The following KCNH5 variants were observed in gnomAD, a reference collection of about 807,000 sequenced individuals.
The protein encoded by KCNH5 is potassium voltage-gated channel subfamily H member 5, also known as voltage-gated delayed rectifier potassium channel KCNH5.
KCNH5 carries 46 observed loss-of-function variants against 96.1 expected under a neutral mutation model. The observed-to-expected ratio is 0.48, with a 90% CI of 0.38 to 0.61. KCNH5 has a LOEUF of 0.61. KCNH5 is among the 20% of genes least tolerant of loss of function. KCNH5 has a pLI of 0.00. For synonymous variants in KCNH5, 439 were observed against 449.8 expected (o/e 0.98, Z 0.30); for missense variants, 907 against 1,225.8 (o/e 0.74, Z 3.88).
chr14:62,868,778 C>T (rs1888190157), intron 7 of KCNH5, among the ~76,000 whole-genome samples: 1 of 152,146 alleles, frequency 6.6e-6, no homozygotes, highest in Non-Finnish European at 1.5e-5. Flanking sequence ...AGAGCGAGAA[C>T]ATGCAGTGTT....
intron 7 of KCNH5, among the ~76,000 whole-genome samples, chr14:62,860,426 C>A (rs950851523): frequency 1.3e-5 from 2 of 152,194 alleles, no homozygotes; most frequent in Non-Finnish European, 2.9e-5. Flanking sequence ...CTTGCTTACA[C>A]AGCTACAGAT....
At chr14:63,032,359 G>A (rs1891645248) in intron 1 of KCNH5, among the ~76,000 whole-genome samples, 1 of 152,082 alleles carries the variant, frequency 6.6e-6, no homozygotes, top group Non-Finnish European at 1.5e-5. Context: ...CAGATCACTG[G>A]GGCTTCAGTG....
At chr14:63,003,714 G>A (rs1311832813) in intron 3 of KCNH5, among the ~76,000 whole-genome samples, 41 of 146,734 alleles carry the variant, frequency 2.8e-4, no homozygotes, top group African/African-American at 1.0e-3. Flanking sequence ...CCACCTCCTG[G>A]GTTCATGCCA....
chr14:62,985,714 T>G (rs867173045), intron 5 of KCNH5, among the ~76,000 whole-genome samples: 1 of 152,156 alleles, frequency 6.6e-6, no homozygotes, highest in Non-Finnish European at 1.5e-5. Flanking sequence ...TCTAGTCACA[T>G]GACTTGAACA....
chr14:62,938,775 A>G (rs1335976367), intron 7 of KCNH5, among the ~76,000 whole-genome samples: 1 of 152,222 alleles, frequency 6.6e-6, no homozygotes, highest in Non-Finnish European at 1.5e-5. Context: ...AAAGTCACCA[A>G]ATAAGTAAAT....
chr14:62,785,985 G>GT (rs1180258058), intron 9 of KCNH5, among the ~76,000 whole-genome samples: 6 of 152,184 alleles, frequency 3.9e-5, no homozygotes, highest in Non-Finnish European at 7.3e-5. Flanking sequence ...AAGGTCAGGA[G>GT]TTTGAGACCA....
intron 10 of KCNH5, among the ~76,000 whole-genome samples, chr14:62,724,018 T>C (rs2139916709): frequency 6.6e-6 from 1 of 152,332 alleles, no homozygotes; most frequent in South Asian, 2.1e-4. Context: ...ATTTGGATCA[T>C]TTCCACCCCA....
intron 7 of KCNH5, among the ~76,000 whole-genome samples, chr14:62,912,878 G>C (rs1889198076): frequency 6.6e-6 from 1 of 152,198 alleles, no homozygotes; most frequent in Non-Finnish European, 1.5e-5. Context: ...GTAAGGTATA[G>C]TCCCTTCTAG....
chr14:62,708,788 G>C (rs1288495963), intron 10 of KCNH5, among the ~76,000 whole-genome samples: 1 of 151,788 alleles, frequency 6.6e-6, no homozygotes, highest in Non-Finnish European at 1.5e-5. Flanking sequence ...GCCGTTAGTA[G>C]GAAATACACA....
At chr14:63,009,317 G>A (rs1891183780) in intron 2 of KCNH5, among the ~76,000 whole-genome samples, 1 of 152,070 alleles carries the variant, frequency 6.6e-6, no homozygotes, top group African/African-American at 2.4e-5. Context: ...AACTTCTGAA[G>A]AGAAGATAAA....
chr14:62,946,082 G>A (rs1370498261), intron 7 of KCNH5, among the ~76,000 whole-genome samples: 1 of 152,002 alleles, frequency 6.6e-6, no homozygotes, highest in Admixed American at 6.6e-5. Context: ...GGAAGATATA[G>A]GAGGTTACTT....
intron 9 of KCNH5, among the ~76,000 whole-genome samples, chr14:62,791,576 T>C (rs1197145088): frequency 6.6e-6 from 1 of 151,682 alleles, no homozygotes; most frequent in Admixed American, 6.6e-5. Context: ...AGTTAAAGAA[T>C]GGAAGATATT....
intron 6 of KCNH5, among the ~76,000 whole-genome samples, chr14:62,976,056 A>G (rs1890492518): frequency 6.6e-6 from 1 of 151,888 alleles, no homozygotes; most frequent in South Asian, 2.1e-4. Context: ...AATCTCCCAG[A>G]AAGTGTAGCA....
intron 7 of KCNH5, among the ~76,000 whole-genome samples, chr14:62,867,653 G>A (rs1228961431): frequency 6.6e-6 from 1 of 152,114 alleles, no homozygotes; most frequent in Non-Finnish European, 1.5e-5. Flanking sequence ...TCACTGACCT[G>A]CTGAAAAGTT....
At chr14:62,798,161 C>G (rs535112219) in intron 9 of KCNH5, among the ~76,000 whole-genome samples, 1 of 152,262 alleles carries the variant, frequency 6.6e-6, no homozygotes, top group Non-Finnish European at 1.5e-5. Flanking sequence ...ATTTTCAACC[C>G]CTCCATCCAA....
chr14:62,876,041 C>T (rs945159566), intron 7 of KCNH5, among the ~76,000 whole-genome samples: 1 of 152,140 alleles, frequency 6.6e-6, no homozygotes, highest in Non-Finnish European at 1.5e-5. Context: ...GTGGCATGTG[C>T]CTGTAATCCC....
chr14:62,970,976 C>T (rs1260380234), intron 6 of KCNH5, among the ~76,000 whole-genome samples: 1 of 152,016 alleles, frequency 6.6e-6, no homozygotes, highest in South Asian at 2.1e-4. Flanking sequence ...TCCCTCTCAT[C>T]ACTTCTTTTC....
At chr14:62,896,313 C>G (rs556738585) in intron 7 of KCNH5, among the ~76,000 whole-genome samples, 9 of 152,324 alleles carry the variant, frequency 5.9e-5, no homozygotes, top group African/African-American at 2.2e-4. Context: ...CACAGTGAAA[C>G]AGTTCAATTC....
At chr14:62,834,344 C>T (rs774867917) in intron 8 of KCNH5, among the ~76,000 whole-genome samples, 8 of 151,902 alleles carry the variant, frequency 5.3e-5, no homozygotes, top group Non-Finnish European at 8.8e-5. Context: ...ATTACATTCA[C>T]GGATATAATA....
Sources: allele counts gnomAD v4.1 joint callset (sites outside exome capture counted in the v4.1 genomes callset), GRCh38; gene constraint gnomAD v4.1.1; transcripts MANE v1.5; gene names NCBI Gene and HGNC (gene_info 2026-07-23, HGNC 2026-07-21).